Variants in ZNF624 observed in about 807,000 individuals in gnomAD.
ZNF624 encodes zinc finger protein 624.
In ZNF624, 43 loss-of-function variants were observed where a neutral mutation model predicts 74.7. The ratio of observed to expected loss-of-function variants is 0.58; its 90% CI spans 0.45 to 0.74. The LOEUF (loss-of-function observed/expected upper bound fraction) is 0.74. Ranked by LOEUF, ZNF624 falls within the 30% of genes least tolerant of loss-of-function variation. The pLI is 0.00. For missense variants in ZNF624, 820 were observed against 1,030.0 expected, an observed-to-expected ratio of 0.80 and a Z score of 2.79; for synonymous variants, 331 against 341.3, an observed-to-expected ratio of 0.97 and a Z score of 0.33.
At chr17:16,645,265 C>G (rs552267724) in intron 3 of ZNF624, among the ~76,000 whole-genome samples, 20 of 152,188 alleles carry the variant, frequency 1.3e-4, no homozygotes, top group Admixed American at 1.2e-3. Flanking sequence ...CACGGTGAAA[C>G]CCCGTACACT....
At chr17:16,615,031 T>C in the ZNF624 span, among the ~76,000 whole-genome samples, 6 of 152,164 alleles carry the variant, frequency 3.9e-5, no homozygotes, top group African/African-American at 1.4e-4. Flanking sequence ...AATAGGATGG[T>C]GGTTTCCAGG....
intron 1 of ZNF624, among the ~76,000 whole-genome samples, chr17:16,652,760 A>C (rs1235806110): frequency 6.6e-6 from 1 of 152,174 alleles, no homozygotes; most frequent in Non-Finnish European, 1.5e-5. Flanking sequence ...AGAAGTATCT[A>C]CCTATACATA....
rs1356988789 is a variant in ZNF624 at position 16,621,961 on chromosome 17, G to A, written c.*327C>T. 1 of 168,148 alleles carries A rather than the reference G, an allele frequency of 5.9e-6. No individual in the cohort carries two copies. The highest frequency in any genetic ancestry group is 2.4e-5 in the African/African-American group (1 of 41,934). 10.4% of individuals were successfully genotyped at this position (168,148 alleles called of 1,614,324 possible). A position where few individuals can be genotyped will look rare whatever the true frequency, so the allele number is the denominator to read the frequency against. The stretch of plus-strand genomic sequence containing the variant: ...GATTAATATCAAAAATATATAAAAA[G>A]CACCTCCAGGTTTATAAGAAAAGAC... On this transcript the variant is annotated 3_prime_UTR_variant, in exon 6 of 6. Coordinates refer to ENST00000311331, the MANE Select transcript of ZNF624 (RefSeq NM_020787.4).
intron 4 of ZNF624, 107 bp from the exon 5 acceptor site, chr17:16,634,064 G>A (rs1909270012): frequency 1.3e-6 from 1 of 790,892 alleles, no homozygotes; most frequent in African/African-American, 1.7e-5. Context: ...ATTACAGGAA[G>A]TTCTAGAGCT....
chr17:16,636,009 C>T (rs1254493692), intron 3 of ZNF624, among the ~76,000 whole-genome samples: 1 of 152,106 alleles, frequency 6.6e-6, no homozygotes, highest in East Asian at 1.9e-4. Context: ...GGAACCAGGG[C>T]CTAGAATACC....
At chr17:16,649,916 A>C (rs1909681462) in intron 1 of ZNF624, among the ~76,000 whole-genome samples, 170 bp from the exon 2 acceptor site, 1 of 152,226 alleles carries the variant, frequency 6.6e-6, no homozygotes, top group Non-Finnish European at 1.5e-5. Flanking sequence ...TCAAGATTTT[A>C]GCACTGTTAA....
intron 5 of ZNF624, among the ~76,000 whole-genome samples, chr17:16,629,971 C>T (rs1055089114): frequency 6.6e-6 from 1 of 152,172 alleles, no homozygotes; most frequent in African/African-American, 2.4e-5. Context: ...TGGAGCACAA[C>T]CACATTACTT....
intron 3 of ZNF624, among the ~76,000 whole-genome samples, chr17:16,638,022 A>G (rs1486474481): frequency 6.6e-6 from 1 of 152,210 alleles, no homozygotes; most frequent in Non-Finnish European, 1.5e-5. Context: ...AATTTACAAG[A>G]AAAAAACAAC....
rs1328755209 is a variant in ZNF624 at position 16,624,204 on chromosome 17, C to CTT, written c.680_681dup (p.Glu228LysfsTer9). On this transcript the variant is annotated frameshift_variant, in exon 6 of 6. Coordinates refer to ENST00000311331, the MANE Select transcript of ZNF624 (RefSeq NM_020787.4). LOFTEE classifies it high-confidence loss of function. ...TTTAAATTCTCTGTGAAATTTTCCT[C>CTT]TTGTGTTTGGCATCTGCTGTGAAGC... 1 of 1,614,114 alleles carries CTT rather than the reference C, an allele frequency of 6.2e-7. No homozygotes were observed. Among genetic ancestry groups the CTT allele is most frequent in the African/African-American group, 1.3e-5 (1 of 75,024 alleles).
chr17:16,627,725 G>A (rs1302264545), intron 5 of ZNF624, among the ~76,000 whole-genome samples: 1 of 152,222 alleles, frequency 6.6e-6, no homozygotes, highest in African/African-American at 2.4e-5. Context: ...ACCTTAAGGT[G>A]ATAAGCCCTA....
chr17:16,628,599 A>C (rs1909129467), intron 5 of ZNF624, among the ~76,000 whole-genome samples: 1 of 152,210 alleles, frequency 6.6e-6, no homozygotes. Context: ...ATCCATACTG[A>C]AACACAAAAT....
At chr17:16,630,773 C>T (rs1909188245) in intron 5 of ZNF624, among the ~76,000 whole-genome samples, 1 of 151,956 alleles carries the variant, frequency 6.6e-6, no homozygotes, top group Admixed American at 6.6e-5. Flanking sequence ...GCCAATTTAC[C>T]ATACAGATAA....
downstream of ZNF624, chr17:16,617,627 G>A: frequency 6.2e-7 from 1 of 1,607,014 alleles, no homozygotes; most frequent in Non-Finnish European, 8.5e-7. Context: ...CTCCACCACG[G>A]CGGCTTCCGT....
At position 16,649,688 on chromosome 17, in the gene ZNF624, CATA is replaced by C; in HGVS notation, c.54_56del (p.Ile18del). 1 of 1,614,020 alleles carries C rather than the reference CATA, an allele frequency of 6.2e-7. No individual in the cohort carries two copies. Among genetic ancestry groups the C allele is most frequent in the Non-Finnish European group, 8.5e-7 (1 of 1,179,914 alleles). On this transcript the variant is annotated inframe_deletion, in exon 2 of 6. Transcript: ENST00000311331. The stretch of plus-strand genomic sequence containing the variant: ...GTCCAACTGAGAAAAACACAGCAGC[CATA>C]ATCTCTCCCTCTGGTTTCCCCTCTC...
downstream of ZNF624, among the ~76,000 whole-genome samples, chr17:16,619,887 C>T (rs1167309556): frequency 6.6e-6 from 1 of 152,226 alleles, no homozygotes; most frequent in African/African-American, 2.4e-5. Flanking sequence ...CATGCGATGT[C>T]AACTCTGTGA....
chr17:16,652,345 G>A (rs753011000), intron 1 of ZNF624, among the ~76,000 whole-genome samples: 42 of 152,092 alleles, frequency 2.8e-4, no homozygotes, highest in Middle Eastern at 3.4e-3. Flanking sequence ...CGCAACCCCC[G>A]AACACTAAAG....
At chr17:16,635,644 C>A (rs1909310807) in intron 3 of ZNF624, among the ~76,000 whole-genome samples, 1 of 151,846 alleles carries the variant, frequency 6.6e-6, no homozygotes, top group Admixed American at 6.6e-5. Flanking sequence ...AAAACAAAAC[C>A]ACAATGTTTT....
At chr17:16,649,428 G>A (rs770231393) in intron 2 of ZNF624, among the ~76,000 whole-genome samples, 8 of 152,070 alleles carry the variant, frequency 5.3e-5, no homozygotes, top group Non-Finnish European at 7.4e-5. Context: ...CATAACTAAC[G>A]ACAGCTCAGA....
chr17:16,617,624 A>G, downstream of ZNF624: 1 of 1,605,674 alleles, frequency 6.2e-7, no homozygotes, highest in Non-Finnish European at 8.5e-7. Context: ...CACCTCCACC[A>G]CGGCGGCTTC....
Sources: gnomAD v4.1 joint callset for allele counts (sites outside exome capture counted in the v4.1 genomes callset) on GRCh38, gnomAD v4.1.1 for gene constraint, MANE v1.5 for transcripts, NCBI Gene and HGNC (gene_info 2026-07-23, HGNC 2026-07-21) for gene names.